SNTG2: variants seen among roughly 807,000 people sequenced by gnomAD.
SNTG2 encodes the protein syntrophin gamma 2, also known as gamma-2-syntrophin.
Under a neutral mutation model 70.9 loss-of-function variants are expected in SNTG2, and 74 were observed. The ratio of observed to expected loss-of-function variants is 1.04; its 90% confidence interval spans 0.86 to 1.27. The LOEUF (loss-of-function observed/expected upper bound fraction) is 1.27, where lower values mean the gene tolerates loss of function less well. SNTG2 is among the 50% of genes most tolerant of loss of function. The pLI, the probability that SNTG2 is intolerant of heterozygous loss-of-function variation, is 0.00. For missense variants in SNTG2, 717 were observed against 690.7 expected, an observed-to-expected ratio of 1.04 and a Z score of -0.43; for synonymous variants, 278 against 273.8, an observed-to-expected ratio of 1.02 and a Z score of -0.15.
chr2:1,295,357 G>A (rs1232603731), intron 14 of SNTG2, among the ~76,000 whole-genome samples: 1 of 152,184 alleles, frequency 6.6e-6, no homozygotes, highest in African/African-American at 2.4e-5. Flanking sequence ...TTTCCAACAG[G>A]TGCTGAAACT....
chr2:1,248,628 G>T (rs1212492014), intron 12 of SNTG2, among the ~76,000 whole-genome samples: 1 of 152,154 alleles, frequency 6.6e-6, no homozygotes. Flanking sequence ...AGTCCCAGAG[G>T]TGAACGTCTG....
rs1322140406 is a variant in SNTG2 at position 1,105,939 on chromosome 2, G to T, written c.325+7529G>T. ...ACACCTGGTGGCCCCTGACCCCGAG[G>T]CCTCTCACCTTGCTCCTTGGTAATA... On this transcript the variant is annotated intron_variant, in intron 4 of 16. Coordinates refer to ENST00000308624, the MANE Select transcript of SNTG2 (RefSeq NM_018968.4). Among the ~76,000 whole-genome samples the T allele has an allele frequency of 2.0e-5, 3 of 152,226 alleles. No individual in the cohort carries two copies. The East Asian group carries it at 5.8e-4, about 29-fold the overall frequency.
At chr2:1,243,023 AGAAAGATTCAGAAAGCATCC>A (rs1263232535) in intron 11 of SNTG2, among the ~76,000 whole-genome samples, 5 of 152,390 alleles carry the variant, frequency 3.3e-5, no homozygotes, top group Admixed American at 2.0e-4. Context: ...CATATACCTA[AGAAAGATTCAGAAAGCATCC>A]GATGTTTCCA....
At chr2:1,109,334 C>T (rs1039351227) in intron 4 of SNTG2, among the ~76,000 whole-genome samples, 61 of 152,024 alleles carry the variant, frequency 4.0e-4, no homozygotes, top group African/African-American at 1.3e-3. Context: ...CTTTCGAAAC[C>T]GAAGCCAGGC....
intron 6 of SNTG2, among the ~76,000 whole-genome samples, chr2:1,138,152 T>C (rs1361419930): frequency 1.3e-5 from 2 of 152,176 alleles, no homozygotes; most frequent in Non-Finnish European, 2.9e-5. Flanking sequence ...ACAGGAGGTG[T>C]CAGGGCTTCA....
At chr2:1,361,267 T>C (rs774431326) in intron 16 of SNTG2, among the ~76,000 whole-genome samples, 3 of 152,114 alleles carry the variant, frequency 2.0e-5, no homozygotes, top group East Asian at 1.9e-4. Flanking sequence ...AAAATTTACA[T>C]TACAATGATT....
chr2:1,020,579 AAAATT>A (rs67392061), intron 1 of SNTG2, among the ~76,000 whole-genome samples: 119,922 of 151,502 alleles, frequency 0.79, 48,140 homozygotes, highest in Middle Eastern at 0.83. Flanking sequence ...TTTTTTTAAA[AAAATT>A]CCAACAGAAA....
chr2:1,141,032 A>T (rs547078767), intron 6 of SNTG2, among the ~76,000 whole-genome samples: 1 of 152,310 alleles, frequency 6.6e-6, no homozygotes, highest in African/African-American at 2.4e-5. Flanking sequence ...GTTGGGAAAA[A>T]TGGTGTGGAC....
At chr2:1,025,735 C>T (rs1455195709) in intron 1 of SNTG2, among the ~76,000 whole-genome samples, 1 of 152,228 alleles carries the variant, frequency 6.6e-6, no homozygotes, top group Non-Finnish European at 1.5e-5. Flanking sequence ...ACACTGGGCC[C>T]TCTGGGTCAT....
intron 8 of SNTG2, among the ~76,000 whole-genome samples, chr2:1,190,312 C>G (rs1324277286): frequency 1.3e-5 from 2 of 151,726 alleles, no homozygotes; most frequent in Non-Finnish European, 2.9e-5. Flanking sequence ...CTGTAGATTA[C>G]TTATAATACC....
chr2:1,117,743 C>A (rs1667128579), intron 4 of SNTG2, among the ~76,000 whole-genome samples: 1 of 152,364 alleles, frequency 6.6e-6, no homozygotes. Context: ...CACTGCTCCC[C>A]ACCTTGTGGG....
chr2:1,032,938 A>C (rs1319321681), intron 1 of SNTG2, among the ~76,000 whole-genome samples: 1 of 152,224 alleles, frequency 6.6e-6, no homozygotes, highest in Non-Finnish European at 1.5e-5. Flanking sequence ...GGGAAGGCTC[A>C]GGAATCTTCC....
intron 14 of SNTG2, among the ~76,000 whole-genome samples, chr2:1,275,666 TAAC>T (rs35416877): frequency 0.17 from 25,390 of 152,108 alleles, 2,433 homozygotes; most frequent in East Asian, 0.32. Context: ...TTAGGCCAGT[TAAC>T]AACCCTGGAA....
chr2:1,201,193 C>T (rs1673253954), intron 8 of SNTG2, among the ~76,000 whole-genome samples: 1 of 151,938 alleles, frequency 6.6e-6, no homozygotes, highest in Admixed American at 6.6e-5. Flanking sequence ...GGTATATATA[C>T]ACAATGAAAT....
chr2:1,078,120 GT>G (rs1664047170), intron 1 of SNTG2, among the ~76,000 whole-genome samples: 1 of 152,328 alleles, frequency 6.6e-6, no homozygotes, highest in South Asian at 2.1e-4. Flanking sequence ...CATGGATAAA[GT>G]TACAAGGGTG....
At chr2:1,177,353 C>G (rs951286102) in intron 8 of SNTG2, among the ~76,000 whole-genome samples, 1 of 151,836 alleles carries the variant, frequency 6.6e-6, no homozygotes, top group African/African-American at 2.4e-5. Context: ...GGGAGAGCAT[C>G]AAGAAAAAAT....
chr2:994,649 T>C (rs1661615091), intron 1 of SNTG2, among the ~76,000 whole-genome samples: 1 of 152,012 alleles, frequency 6.6e-6, no homozygotes, highest in Non-Finnish European at 1.5e-5. Context: ...TATTAAGAAT[T>C]TATTAAATTT....
At chr2:1,178,312 T>A (rs1042218651) in intron 8 of SNTG2, among the ~76,000 whole-genome samples, 3 of 152,212 alleles carry the variant, frequency 2.0e-5, no homozygotes, top group Admixed American at 1.3e-4. Context: ...CCTGCCTGAT[T>A]GCCCTGGCCA....
At chr2:1,066,940 T>C (rs1243701278) in intron 1 of SNTG2, among the ~76,000 whole-genome samples, 3 of 152,186 alleles carry the variant, frequency 2.0e-5, no homozygotes, top group African/African-American at 7.2e-5. Context: ...TCATCTCCTC[T>C]GCAAAACTTC....
Sources: allele counts gnomAD v4.1 joint callset (sites outside exome capture counted in the v4.1 genomes callset), GRCh38; gene constraint gnomAD v4.1.1; transcripts MANE v1.5; gene names NCBI Gene and HGNC (gene_info 2026-07-23, HGNC 2026-07-21).